The following PCP4 variants were observed in gnomAD, a reference collection of about 807,000 sequenced individuals.
The protein encoded by PCP4 is Purkinje cell protein 4.
In PCP4, 8 loss-of-function variants were observed where a neutral mutation model predicts 10.0. That is an observed-to-expected ratio of 0.80 (90% CI 0.47 to 1.45). The LOEUF is 1.45. Among genes scored for constraint, PCP4 ranks in the 40% most tolerant of loss-of-function variants. The pLI, the probability that PCP4 is intolerant of heterozygous loss-of-function variation, is 0.00. For missense variants in PCP4, 54 were observed against 74.4 expected (o/e 0.73, Z 1.01); for synonymous variants, 21 against 23.0 (o/e 0.91, Z 0.24).
chr21:39,893,118 C>T (rs2087440910), intron 1 of PCP4, among the ~76,000 whole-genome samples: 1 of 152,144 alleles, frequency 6.6e-6, no homozygotes. Context: ...TCTCCACTCC[C>T]CACCTTCCCA....
At chr21:39,878,861 T>C (rs1336817082) in intron 1 of PCP4, among the ~76,000 whole-genome samples, 3 of 152,212 alleles carry the variant, frequency 2.0e-5, no homozygotes, top group African/African-American at 4.8e-5. Flanking sequence ...TGCTCTCACA[T>C]ATGCTTAAGT....
intron 1 of PCP4, among the ~76,000 whole-genome samples, chr21:39,885,818 C>T (rs950146719): frequency 1.3e-5 from 2 of 152,248 alleles, no homozygotes; most frequent in African/African-American, 2.4e-5. Context: ...TCTGTTCTTT[C>T]CTATGTTGCT....
At chr21:39,914,211 C>T (rs1230135508) in intron 2 of PCP4, among the ~76,000 whole-genome samples, 2 of 152,158 alleles carry the variant, frequency 1.3e-5, no homozygotes, top group Middle Eastern at 3.2e-3. Flanking sequence ...GGGGCTCTTA[C>T]CAGCCTTTGT....
At chr21:39,884,484 G>A (rs532601799) in intron 1 of PCP4, among the ~76,000 whole-genome samples, 28 of 151,954 alleles carry the variant, frequency 1.8e-4, no homozygotes, top group African/African-American at 6.3e-4. Flanking sequence ...CAGCTGACAT[G>A]CAGTCTTATA....
At chr21:39,903,876 C>CAAAAAAAAAAAA (rs67572508) in intron 2 of PCP4, among the ~76,000 whole-genome samples, 20 of 95,486 alleles carry the variant, frequency 2.1e-4, no homozygotes, top group Non-Finnish European at 3.3e-4. Context: ...TCAAAAAAAA[C>CAAAAAAAAAAAA]AAAAAAAAAA....
intron 1 of PCP4, among the ~76,000 whole-genome samples, chr21:39,891,440 T>C (rs190986095): frequency 6.6e-6 from 1 of 152,316 alleles, no homozygotes; most frequent in South Asian, 2.1e-4. Context: ...GAATTGGTGC[T>C]CTGTGGAGCA....
chr21:39,917,703 A>G (rs187783320), intron 2 of PCP4, among the ~76,000 whole-genome samples: 1 of 152,292 alleles, frequency 6.6e-6, no homozygotes, highest in East Asian at 1.9e-4. Context: ...GCTGTTTCTC[A>G]TCATACCTCT....
At chr21:39,871,952 T>C (rs2087322376) in intron 1 of PCP4, among the ~76,000 whole-genome samples, 1 of 152,222 alleles carries the variant, frequency 6.6e-6, no homozygotes, top group Non-Finnish European at 1.5e-5. Context: ...CATGTTTTTG[T>C]AATGGAAAGT....
chr21:39,927,365 C>A (rs62236583), intron 2 of PCP4, among the ~76,000 whole-genome samples: 11,797 of 137,352 alleles, frequency 0.086, 578 homozygotes, highest in Middle Eastern at 0.12. Flanking sequence ...ATCTATCTAT[C>A]TATCATCTAT....
In PCP4 at chr21:39,905,016, T is replaced by C. The variant is rs538841919; in HGVS notation, c.61+6489T>C. On this transcript the variant is annotated intron_variant, in intron 2 of 2. Transcript: ENST00000328619. Reference sequence around the variant, plus strand: ...GCACCTACCTAAAGTCATTAATGTCTAAGGTGTGCAACATATCCCAGGCTA... The same window carrying C: ...GCACCTACCTAAAGTCATTAATGTCCAAGGTGTGCAACATATCCCAGGCTA... 3.3e-5 allele frequency among the ~76,000 whole-genome samples: 5 copies of C among 152,302 alleles called. No homozygotes were observed. The East Asian group carries it at 9.7e-4, about 29-fold the overall frequency.
chr21:39,919,279 G>T (rs754643230), intron 2 of PCP4, among the ~76,000 whole-genome samples: 1 of 152,218 alleles, frequency 6.6e-6, no homozygotes, highest in Non-Finnish European at 1.5e-5. Flanking sequence ...TTAGCTTAAT[G>T]ATATCAAGGG....
chr21:39,895,039 C>G (rs1390963463), intron 1 of PCP4, among the ~76,000 whole-genome samples: 1 of 152,138 alleles, frequency 6.6e-6, no homozygotes, highest in Non-Finnish European at 1.5e-5. Flanking sequence ...ATCTGTTCAT[C>G]TATCCATCCA....
intron 1 of PCP4, among the ~76,000 whole-genome samples, chr21:39,868,488 A>G (rs2087304379): frequency 6.6e-6 from 1 of 152,148 alleles, no homozygotes; most frequent in African/African-American, 2.4e-5. Context: ...GCACTATAAA[A>G]CTTAGAAATG....
At chr21:39,869,030 CTGT>C (rs977775335) in intron 1 of PCP4, among the ~76,000 whole-genome samples, 4 of 152,188 alleles carry the variant, frequency 2.6e-5, no homozygotes, top group African/African-American at 9.7e-5. Flanking sequence ...TCAGAAGCTT[CTGT>C]GTCCACATCA....
At chr21:39,927,296 A>G (rs924837635) in intron 2 of PCP4, among the ~76,000 whole-genome samples, 21 of 117,658 alleles carry the variant, frequency 1.8e-4, no homozygotes, top group Non-Finnish European at 3.5e-4. Flanking sequence ...CTATCTATCT[A>G]TCTATCTATC....
chr21:39,906,822 G>A lies in PCP4; in HGVS notation c.61+8295G>A, dbSNP rs935411794. Among the ~76,000 whole-genome samples the A allele has an allele frequency of 3.3e-5, 5 of 152,170 alleles. No individual in the cohort carries two copies. Among genetic ancestry groups the A allele is most frequent in the Admixed American group, 2.6e-4 (4 of 15,284 alleles). On this transcript the variant is annotated intron_variant, in intron 2 of 2. Coordinates refer to ENST00000328619, the MANE Select transcript of PCP4 (RefSeq NM_006198.3). The surrounding 1 kb of genome is among the most constrained non-coding windows in gnomAD (Gnocchi z 6.3). The stretch of plus-strand genomic sequence containing the variant: ...ATGAAGCAGCTTGAACCAGGAAAAT[G>A]TGCATCCCTCTAGCCTTTGGAAACC...
At position 39,878,002 on chromosome 21, in the gene PCP4, C is replaced by T. The variant is rs1016161100; in HGVS notation, c.9+10492C>T. Reference sequence around the variant, plus strand: ...TTTCTTTTTTTCTTCTAGATTGTGACGAGAGAGAGAGAGAGATTATGTCTT... The same window carrying T: ...TTTCTTTTTTTCTTCTAGATTGTGATGAGAGAGAGAGAGAGATTATGTCTT... On this transcript the variant is annotated intron_variant, in intron 1 of 2. Transcript: ENST00000328619. Among the ~76,000 whole-genome samples, 8 of 144,060 alleles carry T rather than the reference C, an allele frequency of 5.6e-5. 1 individual carries two copies. In the South Asian group the frequency reaches 8.7e-4, roughly 16 times the overall value. 94.5% of individuals were successfully genotyped at this position (144,060 alleles called of 152,430 possible).
At chr21:39,909,891 G>A (rs1247042943) in intron 2 of PCP4, among the ~76,000 whole-genome samples, 1 of 151,716 alleles carries the variant, frequency 6.6e-6, no homozygotes, top group South Asian at 2.1e-4. Context: ...TGCCTCCCGG[G>A]TTCAAGCGAT....
In PCP4 at chr21:39,906,123, CAAAG is replaced by C. The variant is rs1253222831; in HGVS notation, c.61+7597_61+7600del. Reference sequence around the variant, plus strand: ...AGGTGGGTTGGGAGAGGATCTCAGGCAAAGTTGCTGGTGAACTCAGGATTGTCCT... The same window carrying C: ...AGGTGGGTTGGGAGAGGATCTCAGGCTTGCTGGTGAACTCAGGATTGTCCT... On this transcript the variant is annotated intron_variant, in intron 2 of 2. Coordinates refer to ENST00000328619, the MANE Select transcript of PCP4 (RefSeq NM_006198.3). This position sits in a 1 kb window ranked among gnomAD's most constrained non-coding sequence, Gnocchi z 6.3. 2.6e-5 allele frequency among the ~76,000 whole-genome samples: 4 copies of C among 152,176 alleles called. No individual in the cohort carries two copies. The highest frequency in any genetic ancestry group is 9.6e-5 in the African/African-American group (4 of 41,452).
Sources: gnomAD v4.1 joint callset for allele counts (sites outside exome capture counted in the v4.1 genomes callset) on GRCh38, gnomAD v4.1.1 for gene constraint, Gnocchi (gnomAD v3.1) non-coding constraint, MANE v1.5 for transcripts, NCBI Gene and HGNC (gene_info 2026-07-23, HGNC 2026-07-21) for gene names.